NRXN3: variants seen among roughly 807,000 people sequenced by gnomAD.
NRXN3 encodes the protein neurexin III.
A neutral mutation model predicts 137.6 loss-of-function variants in NRXN3; 32 were observed. The observed-to-expected ratio is 0.23, with a 90% CI of 0.18 to 0.31. The LOEUF (loss-of-function observed/expected upper bound fraction) is 0.31, where lower values mean the gene tolerates loss of function less well. Among genes scored for constraint, NRXN3 ranks in the 10% least tolerant of loss-of-function variants. The pLI is 1.00. For missense variants in NRXN3, 1,574 were observed against 2,062.5 expected (o/e 0.76, Z 4.59); for synonymous variants, 798 against 784.5 (o/e 1.02, Z -0.29).
chr14:78,320,691 A>C (rs962512842), intron 4 of NRXN3, among the ~76,000 whole-genome samples: 1 of 152,170 alleles, frequency 6.6e-6, no homozygotes, highest in African/African-American at 2.4e-5. Flanking sequence ...AGTTGGGGGT[A>C]CCGTGTGGCT....
At chr14:78,699,406 A>G (rs1219002116) in intron 6 of NRXN3, among the ~76,000 whole-genome samples, 2 of 152,188 alleles carry the variant, frequency 1.3e-5, no homozygotes, top group Non-Finnish European at 2.9e-5. Context: ...GTTTTTATAT[A>G]ATGCTTCAAA....
intron 15 of NRXN3, among the ~76,000 whole-genome samples, chr14:79,366,077 G>T (rs2093882838): frequency 6.6e-6 from 1 of 152,164 alleles, no homozygotes; most frequent in Non-Finnish European, 1.5e-5. Flanking sequence ...AGAATGCTAT[G>T]ATTAACACTG....
At chr14:79,182,059 A>C (rs2062983759) in intron 15 of NRXN3, among the ~76,000 whole-genome samples, 1 of 152,124 alleles carries the variant, frequency 6.6e-6, no homozygotes, top group Non-Finnish European at 1.5e-5. Context: ...TCCTAGTTAT[A>C]ATCATGGTCC....
At chr14:79,410,232 A>G (rs562385345) in intron 15 of NRXN3, among the ~76,000 whole-genome samples, 35 of 151,992 alleles carry the variant, frequency 2.3e-4, no homozygotes, top group African/African-American at 7.9e-4. Context: ...CTCTTGGCCT[A>G]GATCAACCAC....
chr14:78,983,402 C>G (rs2099494470), intron 14 of NRXN3, among the ~76,000 whole-genome samples: 1 of 152,202 alleles, frequency 6.6e-6, no homozygotes, highest in Non-Finnish European at 1.5e-5. Flanking sequence ...CCTGGGTGTT[C>G]ATCCTCAGAT....
At chr14:79,824,741 A>G (rs942676474) in intron 20 of NRXN3, among the ~76,000 whole-genome samples, 5 of 152,140 alleles carry the variant, frequency 3.3e-5, no homozygotes, top group Admixed American at 1.3e-4. Context: ...TTTGATTTCT[A>G]TTTTGTTTTC....
intron 1 of NRXN3, among the ~76,000 whole-genome samples, chr14:78,178,627 C>A (rs544377563): frequency 6.6e-6 from 1 of 152,142 alleles, no homozygotes; most frequent in Admixed American, 6.5e-5. Flanking sequence ...TGGCCCTCAG[C>A]GTGAGATTTC....
At chr14:78,767,518 G>A (rs979394448) in intron 8 of NRXN3, among the ~76,000 whole-genome samples, 1 of 152,160 alleles carries the variant, frequency 6.6e-6, no homozygotes, top group Admixed American at 6.5e-5. Flanking sequence ...CACTGTCAAC[G>A]TGCAATACCC....
intron 4 of NRXN3, among the ~76,000 whole-genome samples, chr14:78,454,042 T>C (rs1203104310): frequency 6.6e-6 from 1 of 152,188 alleles, no homozygotes; most frequent in Non-Finnish European, 1.5e-5. Flanking sequence ...TGAACCAAGA[T>C]AATTAAGAGC....
chr14:78,639,854 A>G lies in NRXN3; in HGVS notation c.758-5266A>G, dbSNP rs115447241. Among the ~76,000 whole-genome samples the G allele has an allele frequency of 3.9e-3, 594 of 152,260 alleles. 2 individuals are homozygous for G. The highest frequency in any genetic ancestry group is 0.014 in the African/African-American group (570 of 41,534). ...GTCTCTATTTCCTCACATTGGTGTA[A>G]TCATAGTAAAATGACCTCACAGAAC... On this transcript the variant is annotated intron_variant, in intron 4 of 20. Coordinates refer to ENST00000335750, the MANE Select transcript of NRXN3 (RefSeq NM_001330195.2).
At chr14:79,539,439 A>C (rs1388157390) in intron 16 of NRXN3, among the ~76,000 whole-genome samples, 1 of 152,208 alleles carries the variant, frequency 6.6e-6, no homozygotes, top group Non-Finnish European at 1.5e-5. Context: ...GGTATCGAAC[A>C]GACTTCCTGT....
chr14:79,499,142 TTTATA>T (rs2096795670), intron 16 of NRXN3, among the ~76,000 whole-genome samples: 2 of 152,330 alleles, frequency 1.3e-5, no homozygotes, highest in African/African-American at 2.4e-5. Context: ...CTCATGTAGC[TTTATA>T]TTATATTACC....
At chr14:78,898,554 CGTGTGT>C (rs66861661) in intron 10 of NRXN3, among the ~76,000 whole-genome samples, 15,633 of 136,242 alleles carry the variant, frequency 0.11, 1,121 homozygotes, top group East Asian at 0.35. Flanking sequence ...AGCTGGGTTT[CGTGTGT>C]GTGTGTGTGT....
chr14:79,283,811 T>A (rs2081709700), intron 15 of NRXN3, among the ~76,000 whole-genome samples: 1 of 152,088 alleles, frequency 6.6e-6, no homozygotes, highest in Admixed American at 6.6e-5. Context: ...TGTGGGCTAC[T>A]GCTGAAGATA....
intron 6 of NRXN3, among the ~76,000 whole-genome samples, chr14:78,692,929 A>G (rs2098186780): frequency 1.3e-5 from 2 of 151,744 alleles, no homozygotes; most frequent in African/African-American, 2.4e-5. Context: ...AATAATACAA[A>G]TATTAGCTGA....
intron 10 of NRXN3, among the ~76,000 whole-genome samples, chr14:78,871,898 A>G (rs2099102208): frequency 6.6e-6 from 1 of 151,976 alleles, no homozygotes; most frequent in Admixed American, 6.6e-5. Context: ...AATGTTTCCT[A>G]TCTTTTCTTT....
At chr14:79,197,957 A>G (rs930227925) in intron 15 of NRXN3, among the ~76,000 whole-genome samples, 1 of 152,198 alleles carries the variant, frequency 6.6e-6, no homozygotes, top group Admixed American at 6.5e-5. Flanking sequence ...AATGTTCACA[A>G]CATCTTCACC....
chr14:79,190,631 T>A (rs111497053), intron 15 of NRXN3, among the ~76,000 whole-genome samples: 2,519 of 152,118 alleles, frequency 0.017, 31 homozygotes, highest in Non-Finnish European at 0.026. Flanking sequence ...AGGTTATATA[T>A]CAAAAGAAGC....
chr14:79,438,605 T>C (rs1212346959), intron 15 of NRXN3, among the ~76,000 whole-genome samples: 1 of 152,166 alleles, frequency 6.6e-6, no homozygotes, highest in East Asian at 1.9e-4. Context: ...ACTAACTGAG[T>C]AGAGCAGCAA....
Sources: gnomAD v4.1 joint callset for allele counts (sites outside exome capture counted in the v4.1 genomes callset) on GRCh38, gnomAD v4.1.1 for gene constraint, MANE v1.5 for transcripts, NCBI Gene and HGNC (gene_info 2026-07-23, HGNC 2026-07-21) for gene names.